SEM1: variants seen among roughly 807,000 people sequenced by gnomAD.
The protein encoded by SEM1 is SEM1 26S proteasome subunit.
SEM1 carries 3 observed loss-of-function variants against 12.7 expected under a neutral mutation model. That is an observed-to-expected ratio of 0.24 (90% CI 0.11 to 0.61). The LOEUF (loss-of-function observed/expected upper bound fraction) is 0.61. SEM1 is among the 20% of genes least tolerant of loss of function. The pLI, the probability that SEM1 is intolerant of heterozygous loss-of-function variation, is 0.88. For missense variants in SEM1, 59 were observed against 81.3 expected (o/e 0.73, Z 1.06); for synonymous variants, 30 against 27.8 (o/e 1.08, Z -0.25).
At chr7:96,488,666 CT>C (rs1227197045) in intron 1 of SEM1, among the ~76,000 whole-genome samples, 3 of 152,082 alleles carry the variant, frequency 2.0e-5, no homozygotes, top group Non-Finnish European at 4.4e-5. Context: ...AAAATAACAT[CT>C]AATATTTTCT....
intron 2 of SEM1, among the ~76,000 whole-genome samples, chr7:96,661,758 C>T (rs180773207): frequency 4.6e-5 from 7 of 152,016 alleles, no homozygotes; most frequent in East Asian, 3.9e-4. Flanking sequence ...GAGGCCGAGG[C>T]GGGCAGATCA....
chr7:96,581,383 A>G (rs1424042593), intron 2 of SEM1, among the ~76,000 whole-genome samples: 13 of 152,058 alleles, frequency 8.5e-5, no homozygotes, highest in South Asian at 2.1e-4. Context: ...GCCTTGTAGT[A>G]TAGTTTGAAG....
intron 2 of SEM1, among the ~76,000 whole-genome samples, chr7:96,580,802 C>G (rs897181603): frequency 2.6e-5 from 4 of 152,092 alleles, no homozygotes; most frequent in African/African-American, 9.7e-5. Context: ...CCTTCGCCCA[C>G]TTTTTGATGG....
chr7:96,503,434 C>T (rs1241509235), intron 3 of SEM1: 2 of 152,096 alleles, frequency 1.3e-5, no homozygotes, highest in African/African-American at 4.8e-5. Context: ...AGGCAAAAAG[C>T]CCTGATTACC....
At chr7:96,691,856 A>G (rs1285807151) in intron 2 of SEM1, among the ~76,000 whole-genome samples, 2 of 152,220 alleles carry the variant, frequency 1.3e-5, no homozygotes, top group Non-Finnish European at 2.9e-5. Context: ...CTTCTCAAAC[A>G]TTTCCATCAC....
intron 2 of SEM1, among the ~76,000 whole-genome samples, chr7:96,691,070 CTATACTGGCTTCTTAGAGTTTTTATG>C (rs1236419572): frequency 6.6e-6 from 1 of 152,124 alleles, no homozygotes; most frequent in Non-Finnish European, 1.5e-5. Flanking sequence ...TGCGCCTGGC[CTATACTGGCTTCTTAGAGTTTTTATG>C]TAAGACGTGA....
At chr7:96,633,094 C>G (rs1190187826) in intron 2 of SEM1, among the ~76,000 whole-genome samples, 1 of 151,946 alleles carries the variant, frequency 6.6e-6, no homozygotes, top group Admixed American at 6.6e-5. Context: ...GGGACCCACT[C>G]CTGGTAGTTC....
intron 2 of SEM1, among the ~76,000 whole-genome samples, chr7:96,682,369 C>T (rs142187253): frequency 0.026 from 4,015 of 152,098 alleles, 76 homozygotes; most frequent in Middle Eastern, 0.037. Flanking sequence ...TATGTGAATA[C>T]CCTTTATTTC....
chr7:96,577,866 A>G (rs1006631300), intron 2 of SEM1, among the ~76,000 whole-genome samples: 1 of 152,068 alleles, frequency 6.6e-6, no homozygotes, highest in Non-Finnish European at 1.5e-5. Flanking sequence ...AAAGGAAAAA[A>G]AAAACACCAC....
intron 2 of SEM1, among the ~76,000 whole-genome samples, chr7:96,554,811 G>T (rs1031890032): frequency 6.6e-6 from 1 of 151,592 alleles, no homozygotes; most frequent in Non-Finnish European, 1.5e-5. Flanking sequence ...ATTCGGCTGT[G>T]AATCTATCTG....
chr7:96,692,662 T>C (rs1298256806), intron 2 of SEM1, among the ~76,000 whole-genome samples: 1 of 152,082 alleles, frequency 6.6e-6, no homozygotes, highest in Non-Finnish European at 1.5e-5. Context: ...AAGGGGCTTC[T>C]AAGAGCCATA....
intron 2 of SEM1, among the ~76,000 whole-genome samples, chr7:96,681,807 G>A (rs1177809168): frequency 6.6e-6 from 1 of 152,170 alleles, no homozygotes; most frequent in Non-Finnish European, 1.5e-5. Context: ...ATAGTTTGAA[G>A]CCAGGTAGTG....
chr7:96,693,780 GTGTGTGTGTGTA>G (rs1352961464), intron 2 of SEM1, among the ~76,000 whole-genome samples: 1 of 149,444 alleles, frequency 6.7e-6, no homozygotes, highest in Non-Finnish European at 1.5e-5. Context: ...GTGTGTGTGT[GTGTGTGTGTGTA>G]TATATATATA....
At chr7:96,532,833 T>C (rs2115729070) in intron 2 of SEM1, among the ~76,000 whole-genome samples, 1 of 152,278 alleles carries the variant, frequency 6.6e-6, no homozygotes, top group South Asian at 2.1e-4. Context: ...CAGCCACTTC[T>C]GCTTTGACTT....
At chr7:96,614,304 G>C (rs1019303701) in intron 2 of SEM1, among the ~76,000 whole-genome samples, 3 of 151,774 alleles carry the variant, frequency 2.0e-5, no homozygotes, top group African/African-American at 7.3e-5. Flanking sequence ...CTTAAATTTC[G>C]GTTTGTAGTT....
intron 2 of SEM1, among the ~76,000 whole-genome samples, chr7:96,510,396 G>A (rs1234141145): frequency 6.6e-6 from 1 of 152,120 alleles, no homozygotes; most frequent in Non-Finnish European, 1.5e-5. Context: ...AACCTGTACA[G>A]CATGTTACTA....
chr7:96,522,724 C>CA lies in SEM1; in HGVS notation c.171-16027_171-16026insT, dbSNP rs1011166308. On this transcript the variant is annotated intron_variant and NMD_transcript_variant, in intron 2 of 3. Transcript: ENST00000466986. ...GAAACCCCGTCTCTACTAAAAATAC[C>CA]CCCCCCCCAAAAAAAAATTAGCCGG... Among the ~76,000 whole-genome samples, 41 of 50,000 alleles carry CA rather than the reference C, an allele frequency of 8.2e-4. 1 individual carries two copies. The highest frequency in any genetic ancestry group is 1.8e-3 in the African/African-American group (28 of 15,320). The allele number at this position is 50,000 out of a possible 152,430, so 32.8% of individuals were successfully genotyped here.
intron 2 of SEM1, among the ~76,000 whole-genome samples, chr7:96,579,649 TTCA>T (rs1436654740): frequency 1.3e-5 from 2 of 152,208 alleles, no homozygotes; most frequent in African/African-American, 4.8e-5. Flanking sequence ...AAAACTAATA[TTCA>T]TAGTAATGTG....
At chr7:96,649,239 T>C (rs557751533) in intron 2 of SEM1, 1 of 152,276 alleles carries the variant, frequency 6.6e-6, no homozygotes, top group East Asian at 1.9e-4. Flanking sequence ...GTACAGATGG[T>C]TTAATACAGA....
Sources: allele counts gnomAD v4.1 joint callset (sites outside exome capture counted in the v4.1 genomes callset), GRCh38; gene constraint gnomAD v4.1.1; transcripts MANE v1.5; gene names NCBI Gene and HGNC (gene_info 2026-07-23, HGNC 2026-07-21).